Variants in OTOGL observed in about 807,000 individuals in gnomAD.
OTOGL encodes the protein otogelin like, also known as otogelin-like protein.
A neutral mutation model predicts 318.5 loss-of-function variants in OTOGL; 285 were observed. The observed-to-expected ratio is 0.89, with a 90% CI of 0.81 to 0.99. OTOGL has a LOEUF of 0.99. Ranked by LOEUF, OTOGL falls within the 50% of genes least tolerant of loss-of-function variation. The pLI is 0.00. For missense variants in OTOGL, 2,899 were observed against 2,845.6 expected (o/e 1.02, Z -0.43); for synonymous variants, 987 against 936.5 (o/e 1.05, Z -0.99).
rs986157065 is a variant in OTOGL at position 80,378,273 on chromosome 12, T to G, written c.*225T>G. ...TAGAAAATCAAATGACTGTAAGTTG[T>G]TCAGCTGAAATGCTGTTATGTATTT... is the stretch of plus-strand genomic sequence containing the variant. On this transcript the variant is annotated 3_prime_UTR_variant, in exon 59 of 59. Transcript: ENST00000547103. The G allele has an allele frequency of 1.4e-5, 6 of 433,412 alleles. No homozygotes were observed. Among genetic ancestry groups the G allele is most frequent in the African/African-American group, 1.2e-4 (6 of 50,508 alleles). 26.8% of individuals were successfully genotyped at this position (433,412 alleles called of 1,614,324 possible). A position where few individuals can be genotyped will look rare whatever the true frequency, so the allele number is the denominator to read the frequency against.
chr12:80,206,591 C>G (rs991600969), intron 1 of OTOGL, among the ~76,000 whole-genome samples: 3 of 152,056 alleles, frequency 2.0e-5, no homozygotes, highest in Non-Finnish European at 2.9e-5. Flanking sequence ...TTCACGGCAA[C>G]CTTGACCTCC....
intron 1 of OTOGL, among the ~76,000 whole-genome samples, chr12:80,130,722 G>T (rs1187769162): frequency 1.3e-5 from 2 of 152,126 alleles, no homozygotes; most frequent in Non-Finnish European, 2.9e-5. Context: ...AATTTTCTAG[G>T]CTGATTTGCC....
At position 80,128,572 on chromosome 12, in the gene OTOGL, G is replaced by A. The variant is rs569102087; in HGVS notation, c.-20+28967G>A. Reference sequence around the variant, plus strand: ...ACCACTACTCTCTTCAAAGCTGTCAGACAGGGACATTTAAGTCTGCAGAGG... The same window carrying A: ...ACCACTACTCTCTTCAAAGCTGTCAAACAGGGACATTTAAGTCTGCAGAGG... On this transcript the variant is annotated intron_variant, in intron 1 of 58. Coordinates refer to ENST00000547103, the MANE Select transcript of OTOGL (RefSeq NM_001378609.3). Among the ~76,000 whole-genome samples the A allele has an allele frequency of 1.1e-3, 162 of 152,314 alleles. 1 individual carries two copies. Among genetic ancestry groups the A allele is most frequent in the African/African-American group, 3.5e-3 (146 of 41,568 alleles).
intron 23 of OTOGL, among the ~76,000 whole-genome samples, 196 bp from the exon 24 acceptor site, chr12:80,271,452 G>A (rs1015332284): frequency 6.6e-6 from 1 of 151,982 alleles, no homozygotes; most frequent in Non-Finnish European, 1.5e-5. Flanking sequence ...GATAATATAT[G>A]TATGAATTAA....
At position 80,125,888 on chromosome 12, in the gene OTOGL, C is replaced by G. The variant is rs181601335; in HGVS notation, c.-20+26283C>G. ...TTCTGTGGGATCGGTGGTGATATCC[C>G]CTTTATCATTTTTTTATTACATCTA... On this transcript the variant is annotated intron_variant, in intron 1 of 58. Coordinates refer to ENST00000547103, the MANE Select transcript of OTOGL (RefSeq NM_001378609.3). 1.6e-4 allele frequency among the ~76,000 whole-genome samples: 24 copies of G among 151,876 alleles called. No homozygotes were observed. The East Asian group carries it at 3.9e-3, about 24-fold the overall frequency.
rs544027366 is a variant in OTOGL, at chr12:80,271,552, A to G, written c.2519-96A>G. 1.2e-4 allele frequency: 137 copies of G among 1,184,816 alleles called. No homozygotes were observed. The African/African-American group carries it at 2.0e-3, about 17-fold the overall frequency. The allele number at this position is 1,184,816 out of a possible 1,614,324, so 73.4% of individuals were successfully genotyped here. ...CAGCTAACATTCTCAAACTCAAAAT[A>G]GGTTTAGAATAAACCTATTTTATGA... On this transcript the variant is annotated intron_variant, in intron 23 of 58. Transcript: ENST00000547103.
At chr12:80,292,376 T>A (rs539890518) in intron 26 of OTOGL, among the ~76,000 whole-genome samples, 6 of 152,346 alleles carry the variant, frequency 3.9e-5, no homozygotes, top group African/African-American at 1.4e-4. Context: ...CAGCCTTCTG[T>A]TAGTTCAGTC....
intron 1 of OTOGL, among the ~76,000 whole-genome samples, chr12:80,129,330 T>TGAATAAGA (rs148316180): frequency 6.6e-6 from 1 of 152,364 alleles, no homozygotes; most frequent in African/African-American, 2.4e-5. Flanking sequence ...TAGAAAGGTG[T>TGAATAAGA]GAATAAGACT....
In OTOGL at chr12:80,222,231, C is replaced by T. The variant is rs191608225; in HGVS notation, c.475C>T (p.Arg159Trp). ...FAKDCGDLEP[R>W]YTVWVHNSPK... Reference sequence around the variant, plus strand: ...AAAGGACTGTGGTGATTTGGAGCCTCGGTACACTGTATGGGTAGGTGATTG... The same window carrying T: ...AAAGGACTGTGGTGATTTGGAGCCTTGGTACACTGTATGGGTAGGTGATTG... The change falls in exon 7 of 59, where the codon CGG (arginine) becomes TGG (tryptophan). Residue 159 changes from arginine (R) to tryptophan (W), a missense_variant. By Grantham distance (101) the Arg-to-Trp change is moderately radical. Transcript: ENST00000547103. The T allele has an allele frequency of 5.6e-4, 897 of 1,595,856 alleles. 2 individuals are homozygous for T. Among genetic ancestry groups the T allele is most frequent in the Admixed American group, 7.2e-4 (43 of 59,880 alleles).
chr12:80,314,232 C>T (rs1886832089), intron 31 of OTOGL, 73 bp from the exon 32 acceptor site: 2 of 441,132 alleles, frequency 4.5e-6, no homozygotes, highest in Non-Finnish European at 7.4e-6. Flanking sequence ...AAATATGTGG[C>T]CATATCTTGC....
chr12:80,130,563 A>G (rs1015719258), intron 1 of OTOGL, among the ~76,000 whole-genome samples: 1 of 152,216 alleles, frequency 6.6e-6, no homozygotes, highest in African/African-American at 2.4e-5. Context: ...TCAGGGGACT[A>G]GGGTGAGCAA....
chr12:80,370,116 A>G lies in OTOGL; in HGVS notation c.6616-454A>G, dbSNP rs559676408. Among the ~76,000 whole-genome samples, 73 of 152,176 alleles carry G rather than the reference A, an allele frequency of 4.8e-4. No homozygotes were observed. The Middle Eastern group carries it at 0.014, about 28-fold the overall frequency. Reference sequence around the variant, plus strand: ...ATATTTCTTTAAACTTTTTGGCAATAAGGGAGTAGAAGGAAGAATAAACAC... The same window carrying G: ...ATATTTCTTTAAACTTTTTGGCAATGAGGGAGTAGAAGGAAGAATAAACAC... On this transcript the variant is annotated intron_variant, in intron 55 of 58. Transcript: ENST00000547103.
intron 9 of OTOGL, among the ~76,000 whole-genome samples, chr12:80,237,143 T>G (rs977502966): frequency 6.6e-6 from 1 of 152,056 alleles, no homozygotes; most frequent in Non-Finnish European, 1.5e-5. Context: ...AATAATCTCT[T>G]TAATAAATTT....
intron 1 of OTOGL, among the ~76,000 whole-genome samples, chr12:80,130,141 T>C (rs1392061287): frequency 6.6e-6 from 1 of 152,200 alleles, no homozygotes; most frequent in South Asian, 2.1e-4. Context: ...TTCCAATCAT[T>C]ATAAAACTAC....
At position 80,370,654 on chromosome 12, in the gene OTOGL, G is replaced by A. The variant is rs151051494; in HGVS notation, c.6700G>A (p.Val2234Ile). ...EGAIILNYTMVCPPFNETECK... is the reference protein window; with the variant it reads ...EGAIILNYTMICPPFNETECK... ...AGCAATAATTCTGAACTACACAATG[G>A]TCTGTCCCCCTTTTAATGAGACTGA... is the stretch of plus-strand genomic sequence containing the variant. The change falls in exon 56 of 59, where the codon GTC becomes ATC. Residue 2234 changes from valine (V) to isoleucine (I), a missense_variant. By Grantham distance (29) the Val-to-Ile change is conservative. Transcript: ENST00000547103. The A allele has an allele frequency of 7.7e-5, 123 of 1,593,314 alleles. No individual in the cohort carries two copies. The African/African-American group carries it at 1.3e-3, about 17-fold the overall frequency.
At chr12:80,309,186 TA>T (rs1886463432) in intron 29 of OTOGL, among the ~76,000 whole-genome samples, 1 of 152,170 alleles carries the variant, frequency 6.6e-6, no homozygotes, top group African/African-American at 2.4e-5. Context: ...TACAGACACA[TA>T]ATATGGATAA....
chr12:80,140,833 A>G (rs1003486010), intron 1 of OTOGL, among the ~76,000 whole-genome samples: 2 of 152,118 alleles, frequency 1.3e-5, no homozygotes, highest in Non-Finnish European at 2.9e-5. Flanking sequence ...ACTAAGAGAG[A>G]AGAACTGGTA....
At chr12:80,362,501 A>G (rs1019904398) in intron 52 of OTOGL, among the ~76,000 whole-genome samples, 1 of 152,136 alleles carries the variant, frequency 6.6e-6, no homozygotes, top group African/African-American at 2.4e-5. Flanking sequence ...GGATTGTTTT[A>G]TCTATCTCTG....
At chr12:80,181,197 C>CT (rs530315939) in intron 1 of OTOGL, among the ~76,000 whole-genome samples, 4,835 of 152,036 alleles carry the variant, frequency 0.032, 248 homozygotes, top group African/African-American at 0.11. Flanking sequence ...AATTAGCATA[C>CT]TTTTTTTTAT....
Sources: gnomAD v4.1 joint callset for allele counts (sites outside exome capture counted in the v4.1 genomes callset) on GRCh38, gnomAD v4.1.1 for gene constraint, MANE v1.5 for transcripts, NCBI Gene and HGNC (gene_info 2026-07-23, HGNC 2026-07-21) for gene names.